Variants in SLC22A13 observed in about 807,000 individuals in gnomAD.
The protein encoded by SLC22A13 is organic anion transporter 10.
SLC22A13 carries 42 observed loss-of-function variants against 49.1 expected under a neutral mutation model. The observed-to-expected ratio is 0.85, with a 90% CI of 0.67 to 1.11. SLC22A13 has a LOEUF of 1.11. Ranked by LOEUF, SLC22A13 falls within the 50% of genes least tolerant of loss-of-function variation. The pLI is 0.00. For missense variants in SLC22A13, 694 were observed against 712.8 expected (o/e 0.97, Z 0.30); for synonymous variants, 282 against 293.1 (o/e 0.96, Z 0.39).
chr3:38,266,287 G>T, intron 1 of SLC22A13, 49 bp downstream of exon 1: 3 of 1,586,474 alleles, frequency 1.9e-6, no homozygotes, highest in Non-Finnish European at 2.6e-6. Context: ...GGTCTGTCAG[G>T]TCTTGTGCCT....
At chr3:38,274,076 A>G (rs1256913383) in intron 1 of SLC22A13, among the ~76,000 whole-genome samples, 196 bp from the exon 2 acceptor site, 3 of 152,232 alleles carry the variant, frequency 2.0e-5, no homozygotes, top group Non-Finnish European at 2.9e-5. Context: ...TATCAGAGAG[A>G]TGTCAACTTG....
intron 3 of SLC22A13, 76 bp downstream of exon 3, chr3:38,274,834 C>T: frequency 6.4e-7 from 1 of 1,551,324 alleles, no homozygotes; most frequent in Admixed American, 1.9e-5. Context: ...CCCCAAACGG[C>T]CTGTGGAGGT....
At chr3:38,268,938 C>G (rs997328004) in intron 1 of SLC22A13, among the ~76,000 whole-genome samples, 2 of 151,936 alleles carry the variant, frequency 1.3e-5, no homozygotes, top group Non-Finnish European at 2.9e-5. Context: ...CACAAACACC[C>G]GCAAAACAAA....
chr3:38,265,923 A>G lies in SLC22A13; in HGVS notation c.63A>G (p.Leu21=), dbSNP rs763631015. Residue 21 remains leucine (L), a synonymous_variant, in exon 1 of 10, where the codon CTA becomes CTG. Transcript: ENST00000311856. ...ACTTTGGTCGCTTCCAGATACAGCT[A>G]TTGATCCTGCTGTGTGTTCTCAACT... ...IGDFGRFQIQ[L]LILLCVLNFL... is the part of the protein sequence containing the mutation. The G allele has an allele frequency of 3.7e-6, 6 of 1,613,796 alleles. No individual in the cohort carries two copies. Among genetic ancestry groups the G allele is most frequent in the Admixed American group, 1.7e-5 (1 of 60,002 alleles).
intron 8 of SLC22A13, among the ~76,000 whole-genome samples, 175 bp from the exon 9 acceptor site, chr3:38,276,737 G>A (rs566685521): frequency 1.2e-4 from 18 of 152,296 alleles, no homozygotes; most frequent in African/African-American, 4.3e-4. Flanking sequence ...GGGTGTAGCA[G>A]GCAGGGAGCA....
At chr3:38,274,792 G>A in intron 3 of SLC22A13, 34 bp downstream of exon 3, 1 of 1,595,520 alleles carries the variant, frequency 6.3e-7, no homozygotes, top group Non-Finnish European at 8.5e-7. Context: ...TTCAGCCATA[G>A]GGTGAGGCCC....
rs143948964 is a variant in SLC22A13, at chr3:38,277,020, C to T, written c.1455C>T (p.Tyr485=). 1.3e-4 allele frequency: 214 copies of T among 1,608,146 alleles called. No homozygotes were observed. The Middle Eastern group carries it at 2.0e-3, about 15-fold the overall frequency. ...ACGCTGCCCTCCCCATGCTCATCTACGGCAGCCTCCCCATCGTGGCCGGCC... is the reference window on the plus strand; with the variant it reads ...ACGCTGCCCTCCCCATGCTCATCTATGGCAGCCTCCCCATCGTGGCCGGCC... ...EYHAALPMLI[Y]GSLPIVAGLL... is the part of the protein sequence containing the mutation. Residue 485 remains tyrosine (Y), a synonymous_variant, in exon 9 of 10, where the codon TAC becomes TAT. Coordinates refer to ENST00000311856, the MANE Select transcript of SLC22A13 (RefSeq NM_004256.4).
Position 38,275,987 on chromosome 3 carries a change from C to T in SLC22A13, c.1128C>T (p.Ala376=), listed in dbSNP as rs1373751125. The T allele has an allele frequency of 2.6e-5, 42 of 1,614,084 alleles. No homozygotes were observed. Among genetic ancestry groups the T allele is most frequent in the Non-Finnish European group, 3.5e-5 (41 of 1,180,034 alleles). The change falls in exon 7 of 10, where the codon GCC becomes GCT. Residue 376 remains alanine (A), a synonymous_variant. Transcript: ENST00000311856. ...QLIFGAVEVP[A]RCSSIFMMQR... The stretch of plus-strand genomic sequence containing the variant: ...TCTTTGGAGCTGTTGAGGTGCCTGC[C>T]CGCTGTTCCAGCATCTTCATGATGC...
At chr3:38,267,950 A>G (rs1208598833) in intron 1 of SLC22A13, among the ~76,000 whole-genome samples, 1 of 152,148 alleles carries the variant, frequency 6.6e-6, no homozygotes, top group African/African-American at 2.4e-5. Flanking sequence ...GTGTGCCTGC[A>G]ATGGGGTCAG....
rs1213433223 is a variant in SLC22A13, at chr3:38,274,384, C to T, written c.482+9C>T. 5 of 1,609,228 alleles carry T rather than the reference C, an allele frequency of 3.1e-6. No individual in the cohort carries two copies. The Admixed American group carries it at 6.7e-5, about 21-fold the overall frequency. On this transcript the variant is annotated intron_variant, in intron 2 of 9. Coordinates refer to ENST00000311856, the MANE Select transcript of SLC22A13 (RefSeq NM_004256.4). ...GGGCCCCTCTGCGACCGGTAAGAAC[C>T]TTGCCCTGCCCACTCCCTGCCTAGC...
At chr3:38,275,792 C>G in intron 6 of SLC22A13, 90 bp from the exon 7 acceptor site, 2 of 1,483,014 alleles carry the variant, frequency 1.3e-6, no homozygotes, top group East Asian at 2.3e-5. Flanking sequence ...GTGCCAGTGT[C>G]CCCTGCTGTG....
At chr3:38,273,005 T>C (rs1703537408) in intron 1 of SLC22A13, among the ~76,000 whole-genome samples, 1 of 152,146 alleles carries the variant, frequency 6.6e-6, no homozygotes, top group Non-Finnish European at 1.5e-5. Context: ...AAGTGAAGGA[T>C]TATTATTAGA....
chr3:38,275,945 C>A lies in SLC22A13; in HGVS notation c.1086C>A (p.Val362=), dbSNP rs769537456. Residue 362 remains valine (V), a synonymous_variant, in exon 7 of 10, where the codon GTC becomes GTA. Transcript: ENST00000311856. ...AAGTGGGGGACTTCGGCCTGGACGTCTATCTGACGCAGCTCATCTTTGGAG... is the reference window on the plus strand; with the variant it reads ...AAGTGGGGGACTTCGGCCTGGACGTATATCTGACGCAGCTCATCTTTGGAG... The part of the protein sequence containing the change: ...SLQVGDFGLD[V]YLTQLIFGAV... The A allele has an allele frequency of 6.2e-7, 1 of 1,614,220 alleles. No homozygotes were observed. The highest frequency in any genetic ancestry group is 2.2e-5 in the East Asian group (1 of 44,890).
chr3:38,276,468 C>A (rs1703586144), intron 8 of SLC22A13, 73 bp downstream of exon 8: 11 of 1,062,856 alleles, frequency 1.0e-5, no homozygotes, highest in Non-Finnish European at 1.6e-5. Flanking sequence ...TCGGCCCTCA[C>A]CCCATTCCAC....
Position 38,275,439 on chromosome 3 carries a change from G to A in SLC22A13, c.876G>A (p.Gln292=), listed in dbSNP as rs774778005. 1 of 1,614,226 alleles carries A rather than the reference G, an allele frequency of 6.2e-7. No individual in the cohort carries two copies. Among genetic ancestry groups the A allele is most frequent in the South Asian group, 1.1e-5 (1 of 91,086 alleles). Residue 292 remains glutamine (Q), a synonymous_variant, in exon 5 of 10, where the codon CAG becomes CAA. Transcript: ENST00000311856. ...GRMDEAIQLI[Q]KAASVNRRKL... The stretch of plus-strand genomic sequence containing the variant: ...TGGACGAGGCGATACAACTGATCCA[G>A]AAGGCGGCCTCGGTCAATAGGCGGA...
intron 9 of SLC22A13, 70 bp downstream of exon 9, chr3:38,277,197 C>A: frequency 2.4e-6 from 3 of 1,250,098 alleles, no homozygotes; most frequent in Admixed American, 4.1e-5. Context: ...TATGCCCAGG[C>A]CTCCACCTCA....
At chr3:38,267,961 G>T (rs1277305566) in intron 1 of SLC22A13, among the ~76,000 whole-genome samples, 2 of 152,184 alleles carry the variant, frequency 1.3e-5, no homozygotes, top group African/African-American at 4.8e-5. Context: ...ATGGGGTCAG[G>T]GTGGAGGGGT....
chr3:38,271,240 C>G (rs2125862972), intron 1 of SLC22A13, among the ~76,000 whole-genome samples: 1 of 152,194 alleles, frequency 6.6e-6, no homozygotes, highest in Admixed American at 6.5e-5. Context: ...CCTTTTCAAC[C>G]TACATTTCCT....
rs559984273 is a variant in SLC22A13, at chr3:38,277,616, C to T, written c.*151C>T. On this transcript the variant is annotated 3_prime_UTR_variant, in exon 10 of 10. Coordinates refer to ENST00000311856, the MANE Select transcript of SLC22A13 (RefSeq NM_004256.4). ...CTGGCCCATGGCTGTCACCTCCTGC[C>T]GAGTCCAATCCCAGACTGGGAACCA... The T allele has an allele frequency of 1.8e-5, 10 of 569,742 alleles. No individual in the cohort carries two copies. Among genetic ancestry groups the T allele is most frequent in the African/African-American group, 7.6e-5 (4 of 52,914 alleles). The allele number at this position is 569,742 out of a possible 1,614,324, so 35.3% of individuals were successfully genotyped here.
Sources: gnomAD v4.1 joint callset for allele counts (sites outside exome capture counted in the v4.1 genomes callset) on GRCh38, gnomAD v4.1.1 for gene constraint, MANE v1.5 for transcripts, NCBI Gene and HGNC (gene_info 2026-07-23, HGNC 2026-07-21) for gene names.